The following MDFIC2 variants were observed in gnomAD, a reference collection of about 807,000 sequenced individuals.
The protein encoded by MDFIC2 is myoD family inhibitor domain-containing protein 2.
chr3:70,306,099 GTTTA>G (rs771838641), intron 2 of MDFIC2, among the ~76,000 whole-genome samples: 7 of 152,102 alleles, frequency 4.6e-5, no homozygotes, highest in African/African-American at 9.6e-5. Flanking sequence ...AAATAATGGA[GTTTA>G]TTTATTTATT....
intron 2 of MDFIC2, among the ~76,000 whole-genome samples, chr3:70,263,335 G>C (rs1222825926): frequency 6.6e-6 from 1 of 152,096 alleles, no homozygotes; most frequent in East Asian, 1.9e-4. Flanking sequence ...AGTGACAATT[G>C]TGATCAATAT....
intron 3 of MDFIC2, among the ~76,000 whole-genome samples, chr3:70,198,232 G>A (rs1013828170): frequency 1.3e-5 from 2 of 152,042 alleles, no homozygotes; most frequent in African/African-American, 2.4e-5. Context: ...TCCTCTAGAT[G>A]GGCTTATCAA....
chr3:70,262,662 G>A (rs2106662925), intron 2 of MDFIC2, among the ~76,000 whole-genome samples: 1 of 152,262 alleles, frequency 6.6e-6, no homozygotes, highest in African/African-American at 2.4e-5. Flanking sequence ...TTTTACACTT[G>A]TGTCACATAA....
chr3:70,256,649 A>G (rs1011423682), intron 2 of MDFIC2, among the ~76,000 whole-genome samples: 2 of 152,338 alleles, frequency 1.3e-5, no homozygotes, highest in Admixed American at 1.3e-4. Context: ...TCCTCAAGCC[A>G]TGAGATGCGT....
intron 2 of MDFIC2, among the ~76,000 whole-genome samples, chr3:70,281,168 A>G (rs1236098038): frequency 2.0e-5 from 3 of 152,156 alleles, no homozygotes; most frequent in Non-Finnish European, 4.4e-5. Context: ...CTTGGCCCCT[A>G]CAATTTTAGT....
intron 2 of MDFIC2, among the ~76,000 whole-genome samples, chr3:70,267,340 C>A (rs1306451492): frequency 6.6e-6 from 1 of 150,542 alleles, no homozygotes; most frequent in Admixed American, 6.6e-5. Flanking sequence ...TCCATGAGAC[C>A]TACCTTTACA....
chr3:70,225,654 A>C (rs1701497394), intron 2 of MDFIC2, among the ~76,000 whole-genome samples: 1 of 152,266 alleles, frequency 6.6e-6, no homozygotes, highest in Non-Finnish European at 1.5e-5. Context: ...CACAAGAAAC[A>C]CTGTTTCCCT....
At chr3:70,246,054 G>A (rs1262379603) in intron 2 of MDFIC2, among the ~76,000 whole-genome samples, 1 of 151,542 alleles carries the variant, frequency 6.6e-6, no homozygotes, top group Non-Finnish European at 1.5e-5. Context: ...GACAGATAGA[G>A]AGTTCTTTTA....
intron 3 of MDFIC2, among the ~76,000 whole-genome samples, chr3:70,197,733 A>T (rs1275020848): frequency 6.6e-6 from 1 of 152,228 alleles, no homozygotes; most frequent in East Asian, 1.9e-4. Flanking sequence ...TAAAATAATC[A>T]CAGCTTTTGG....
At chr3:70,243,129 T>C (rs1420679081) in intron 2 of MDFIC2, among the ~76,000 whole-genome samples, 1 of 152,208 alleles carries the variant, frequency 6.6e-6, no homozygotes, top group Non-Finnish European at 1.5e-5. Context: ...TTCTCTAGAC[T>C]ATATTGTTTC....
intron 2 of MDFIC2, among the ~76,000 whole-genome samples, chr3:70,231,807 T>C (rs571771221): frequency 4.3e-4 from 65 of 152,270 alleles, no homozygotes; most frequent in Non-Finnish European, 8.8e-4. Flanking sequence ...ATGAAATTAC[T>C]TGGACCAGGA....
At chr3:70,303,202 G>A (rs943189711) in intron 2 of MDFIC2, among the ~76,000 whole-genome samples, 1 of 152,016 alleles carries the variant, frequency 6.6e-6, no homozygotes, top group Admixed American at 6.6e-5. Context: ...ACATTATGTT[G>A]GGGCCACACA....
chr3:70,298,323 G>A (rs77661329), intron 2 of MDFIC2, among the ~76,000 whole-genome samples: 1,942 of 152,114 alleles, frequency 0.013, 32 homozygotes, highest in African/African-American at 0.044. Flanking sequence ...ACAAAGATAA[G>A]CAAACAAAAT....
chr3:70,256,468 T>C (rs1243864120), intron 2 of MDFIC2, among the ~76,000 whole-genome samples: 1 of 152,224 alleles, frequency 6.6e-6, no homozygotes, highest in South Asian at 2.1e-4. Flanking sequence ...GTATATTAAC[T>C]CTTTGAGGGT....
chr3:70,224,658 C>T (rs951888735), intron 2 of MDFIC2, among the ~76,000 whole-genome samples: 2 of 152,122 alleles, frequency 1.3e-5, no homozygotes, highest in Non-Finnish European at 2.9e-5. Context: ...TCCTGCAATA[C>T]TTGGGAATCC....
intron 2 of MDFIC2, among the ~76,000 whole-genome samples, chr3:70,306,745 A>G (rs1005583091): frequency 3.9e-5 from 6 of 152,140 alleles, no homozygotes; most frequent in South Asian, 2.1e-4. Flanking sequence ...TTTTTCCCCT[A>G]TTGGTGACAA....
chr3:70,275,351 AT>A (rs1231748828), intron 2 of MDFIC2, among the ~76,000 whole-genome samples: 4 of 152,044 alleles, frequency 2.6e-5, no homozygotes, highest in Non-Finnish European at 5.9e-5. Flanking sequence ...TCTACAAAAA[AT>A]AAAAAGAAAA....
chr3:70,212,228 C>T (rs1701358485), intron 2 of MDFIC2, among the ~76,000 whole-genome samples: 1 of 152,136 alleles, frequency 6.6e-6, no homozygotes, highest in Admixed American at 6.5e-5. Flanking sequence ...TGGTTTCAGT[C>T]CTCAAGAAGC....
chr3:70,301,322 G>A lies in MDFIC2; in HGVS notation c.88+10564C>T, dbSNP rs544660528. Among the ~76,000 whole-genome samples, 19 of 152,106 alleles carry A rather than the reference G, an allele frequency of 1.2e-4. No homozygotes were observed. In the South Asian group the frequency reaches 1.7e-3, roughly 13 times the overall value. On this transcript the variant is annotated intron_variant, in intron 2 of 3. Transcript: ENST00000567252. ...GAATTGGGTATGTTCATATGGTTTC[G>A]TGTATGAGAGATTTCATACTGCAAA...
Sources: allele counts gnomAD v4.1 joint callset (sites outside exome capture counted in the v4.1 genomes callset), GRCh38; gene constraint gnomAD v4.1.1; transcripts MANE v1.5; gene names NCBI Gene and HGNC (gene_info 2026-07-23, HGNC 2026-07-21).